The following SIGLEC6 variants were observed in gnomAD, a reference collection of about 807,000 sequenced individuals.
The protein encoded by SIGLEC6 is sialic acid binding Ig like lectin 6.
In SIGLEC6, 31 loss-of-function variants were observed where a neutral mutation model predicts 41.4. The ratio of observed to expected loss-of-function variants is 0.75; its 90% CI spans 0.56 to 1.01. The LOEUF is 1.01. SIGLEC6 is among the 50% of genes least tolerant of loss of function. SIGLEC6 has a pLI of 0.00. For synonymous variants in SIGLEC6, 217 were observed against 231.0 expected, an observed-to-expected ratio of 0.94 and a Z score of 0.55; for missense variants, 555 against 558.6, an observed-to-expected ratio of 0.99 and a Z score of 0.06.
chr19:51,520,381 T>C (rs1990827268), intron 7 of SIGLEC6, 126 bp from the exon 8 acceptor site: 2 of 490,210 alleles, frequency 4.1e-6, no homozygotes, highest in South Asian at 1.8e-4. Context: ...TATTTTATTT[T>C]ATTTCATTTT....
rs183822218 is a variant in SIGLEC6 at position 51,529,778 on chromosome 19, G to C, written c.958C>G (p.Arg320Gly). The change falls in exon 5 of 8, where the codon CGT (arginine) becomes GGT (glycine). Residue 320 changes from arginine (R) to glycine (G), a missense_variant. By Grantham distance (125) the Arg-to-Gly change is moderately radical. Transcript: ENST00000425629. ...GSAEEGDFTC[R>G]AQHPLGSLQI... is the part of the protein sequence containing the mutation. ...AGGGAGCCCAGAGGATGCTGAGCAC[G>C]GCAGGTGAAATCTCCTTCTTCTGCA... is the stretch of plus-strand genomic sequence containing the variant. 3.7e-6 allele frequency: 6 copies of C among 1,614,018 alleles called. No individual in the cohort carries two copies. The highest frequency in any genetic ancestry group is 1.6e-4 in the Middle Eastern group (1 of 6,084).
At chr19:51,521,010 G>A (rs914484625) in intron 7 of SIGLEC6, among the ~76,000 whole-genome samples, 2 of 152,086 alleles carry the variant, frequency 1.3e-5, no homozygotes, top group African/African-American at 4.8e-5. Flanking sequence ...TTAAAAACAG[G>A]AAACAAAATC....
chr19:51,528,295 G>A (rs1979579925), intron 5 of SIGLEC6, 42 bp from the exon 6 acceptor site: 2 of 1,537,608 alleles, frequency 1.3e-6, no homozygotes, highest in Admixed American at 1.7e-5. Flanking sequence ...CTAATTCCAG[G>A]ACATCCTCCC....
intron 7 of SIGLEC6, among the ~76,000 whole-genome samples, chr19:51,523,466 G>C (rs1978641062): frequency 6.6e-6 from 1 of 152,140 alleles, no homozygotes. Context: ...AACAATATCT[G>C]CAAATACCAA....
intron 7 of SIGLEC6, among the ~76,000 whole-genome samples, chr19:51,520,797 T>A (rs1990867987): frequency 6.6e-6 from 1 of 152,198 alleles, no homozygotes; most frequent in Non-Finnish European, 1.5e-5. Flanking sequence ...ATTACATTCA[T>A]CTTACAAACG....
intron 7 of SIGLEC6, among the ~76,000 whole-genome samples, chr19:51,526,240 C>A (rs1274757574): frequency 1.3e-5 from 2 of 152,086 alleles, no homozygotes; most frequent in East Asian, 3.9e-4. Context: ...TAGTGTGCAG[C>A]CTGAGTGCCA....
Position 51,529,808 on chromosome 19 carries a change from C to G in SIGLEC6, c.928G>C (p.Gly310Arg), listed in dbSNP as rs766019966. Residue 310 changes from glycine to arginine, a missense_variant, in exon 5 of 8, where the codon GGG becomes CGG. Transcript: ENST00000425629. ...GTGAAATCTCCTTCTTCTGCAGACC[C>G]TACTTGAGGCAGCTCCAGGACCCCG... ...NTGVLELPQV[G>R]SAEEGDFTCR... The G allele has an allele frequency of 2.0e-5, 33 of 1,614,048 alleles. No homozygotes were observed. Among genetic ancestry groups the G allele is most frequent in the Admixed American group, 5.0e-5 (3 of 60,004 alleles).
At chr19:51,528,536 C>T in intron 5 of SIGLEC6, 1 of 479,082 alleles carries the variant, frequency 2.1e-6, no homozygotes, top group East Asian at 3.7e-5. Context: ...TGAATTATGT[C>T]TCCCCACAAT....
In SIGLEC6 at chr19:51,518,500, C is replaced by T. The variant is rs371378814; in HGVS notation, c.*1582G>A. On this transcript the variant is annotated 3_prime_UTR_variant, in exon 8 of 8. Transcript: ENST00000425629. ...GGATTACAGGCAAGTGCCACCACAC[C>T]GAGCTAATTTTTGTATTTTAGTAGA... 9.3e-4 allele frequency among the ~76,000 whole-genome samples: 142 copies of T among 152,230 alleles called. 1 individual carries two copies. The highest frequency in any genetic ancestry group is 5.6e-3 in the East Asian group (29 of 5,170).
Position 51,530,976 on chromosome 19 carries a change from G to GA in SIGLEC6, c.428-18dup, listed in dbSNP as rs1284893066. ...GGGTCAGGGCTGGTGAGGAGATGGG[G>GA]ACGCAGGATCAGGATGGAGGTCTGA... is the stretch of plus-strand genomic sequence containing the variant. On this transcript the variant is annotated splice_polypyrimidine_tract_variant and intron_variant, in intron 2 of 7. Coordinates refer to ENST00000425629, the MANE Select transcript of SIGLEC6 (RefSeq NM_001245.7). The GA allele has an allele frequency of 6.2e-7, 1 of 1,607,058 alleles. No homozygotes were observed. The highest frequency in any genetic ancestry group is 2.2e-5 in the East Asian group (1 of 44,878).
chr19:51,527,968 A>G (rs1312694492), intron 6 of SIGLEC6, 140 bp from the exon 7 acceptor site: 6 of 951,268 alleles, frequency 6.3e-6, no homozygotes, highest in Non-Finnish European at 3.2e-6. Flanking sequence ...GAGTTGGACC[A>G]CGGTTTCAAA....
At chr19:51,531,093 C>A in intron 2 of SIGLEC6, 67 bp downstream of exon 2, 1 of 1,548,004 alleles carries the variant, frequency 6.5e-7, no homozygotes, top group Non-Finnish European at 8.7e-7. Flanking sequence ...ACGGGGCTCC[C>A]GTCCCAGCCC....
Position 51,530,777 on chromosome 19 carries a change from G to A in SIGLEC6, c.610C>T (p.Pro204Ser), listed in dbSNP as rs1430787695. 6.2e-7 allele frequency: 1 copy of A among 1,614,122 alleles called. No individual in the cohort carries two copies. Among genetic ancestry groups the A allele is most frequent in the South Asian group, 1.1e-5 (1 of 91,082 alleles). Residue 204 changes from proline to serine, a missense_variant, in exon 3 of 8, where the codon CCA (proline) becomes TCA (serine). Transcript: ENST00000425629. ...TTQSSVLTIT[P>S]RPQDHSTNLT... Reference sequence around the variant, plus strand: ...TTGGTGCTGTGGTCCTGGGGCCGTGGGGTGATTGTGAGCACCGAGGACTGG... The same window carrying A: ...TTGGTGCTGTGGTCCTGGGGCCGTGAGGTGATTGTGAGCACCGAGGACTGG...
intron 7 of SIGLEC6, among the ~76,000 whole-genome samples, chr19:51,527,267 A>G (rs1405797591): frequency 6.6e-6 from 1 of 152,210 alleles, no homozygotes; most frequent in African/African-American, 2.4e-5. Context: ...GTCAATGCCA[A>G]AGAAAAAATA....
rs775535911 is a variant in SIGLEC6 at position 51,520,242 on chromosome 19, T to A, written c.1202A>T (p.Gln401Leu). Residue 401 changes from glutamine (Q) to leucine (L), a missense_variant, in exon 8 of 8, where the codon CAG (glutamine) becomes CTG (leucine). Coordinates refer to ENST00000425629, the MANE Select transcript of SIGLEC6 (RefSeq NM_001245.7). ...MVSGSRGHQH[Q>L]FQTGIVSDHP... Reference sequence around the variant, plus strand: ...GTCTGAAACTATGCCTGTCTGGAACTGGTGCTGATGACCCTTAATGGAAGA... The same window carrying A: ...GTCTGAAACTATGCCTGTCTGGAACAGGTGCTGATGACCCTTAATGGAAGA... 2 of 1,587,868 alleles carry A rather than the reference T, an allele frequency of 1.3e-6. No homozygotes were observed. Among genetic ancestry groups the A allele is most frequent in the Non-Finnish European group, 1.7e-6 (2 of 1,161,028 alleles).
At chr19:51,529,652 G>A (rs1979853978) in intron 5 of SIGLEC6, 72 bp downstream of exon 5, 1 of 1,589,082 alleles carries the variant, frequency 6.3e-7, no homozygotes, top group East Asian at 2.3e-5. Flanking sequence ...ACTTAGCAGG[G>A]GCCTCTTCTC....
chr19:51,528,236 C>A lies in SIGLEC6; in HGVS notation c.1030G>T (p.Ala344Ser). ...LFVHWKPEGR[A>S]GGVLGAVWGA... ...CAGACTGCTCCCAGGACACCACCAG[C>A]CCTGCCTTCTGGTTTCCCTATAATT... The change falls in exon 6 of 8, where the codon GCT (alanine) becomes TCT (serine). Residue 344 changes from alanine to serine, a missense_variant. Physicochemically the swap from Ala to Ser is moderately conservative, Grantham distance 99 (BLOSUM62 1). Transcript: ENST00000425629. 6.2e-7 allele frequency: 1 copy of A among 1,614,060 alleles called. No homozygotes were observed. The highest frequency in any genetic ancestry group is 1.7e-5 in the Admixed American group (1 of 60,022).
At chr19:51,528,697 T>G (rs1600030868) in intron 5 of SIGLEC6, among the ~76,000 whole-genome samples, 1 of 151,862 alleles carries the variant, frequency 6.6e-6, no homozygotes, top group East Asian at 1.9e-4. Flanking sequence ...AAGGGGAAAA[T>G]GTGGGTCGGG....
Position 51,519,061 on chromosome 19 carries a change from C to T in SIGLEC6, c.*1021G>A, listed in dbSNP as rs1224774787. Among the ~76,000 whole-genome samples the T allele has an allele frequency of 7.2e-5, 11 of 151,848 alleles. No homozygotes were observed. Among genetic ancestry groups the T allele is most frequent in the Non-Finnish European group, 1.5e-4 (10 of 67,968 alleles). On this transcript the variant is annotated 3_prime_UTR_variant, in exon 8 of 8. Transcript: ENST00000425629. ...CTGTAATCTCAGCACTTTGGGAGGC[C>T]GAGGAGGGCAGATCACGAGGTCAGG...
Sources: allele counts gnomAD v4.1 joint callset (sites outside exome capture counted in the v4.1 genomes callset), GRCh38; gene constraint gnomAD v4.1.1; transcripts MANE v1.5; gene names NCBI Gene and HGNC (gene_info 2026-07-23, HGNC 2026-07-21).